TMEM45A: variants seen among roughly 807,000 people sequenced by gnomAD.
The protein encoded by TMEM45A is transmembrane protein 45A.
A neutral mutation model predicts 32.0 loss-of-function variants in TMEM45A; 25 were observed. That is an observed-to-expected ratio of 0.78 (90% CI 0.57 to 1.09). The LOEUF (loss-of-function observed/expected upper bound fraction) is 1.09, where lower values mean the gene tolerates loss of function less well. Ranked by LOEUF, TMEM45A falls within the 50% of genes least tolerant of loss-of-function variation. The pLI is 0.00. For missense variants in TMEM45A, 302 were observed against 325.0 expected (o/e 0.93, Z 0.54); for synonymous variants, 122 against 114.8 (o/e 1.06, Z -0.40).
At chr3:100,499,950 GTGGCTGA>G (rs1035609431) in intron 1 of TMEM45A, among the ~76,000 whole-genome samples, 1 of 152,162 alleles carries the variant, frequency 6.6e-6, no homozygotes, top group Non-Finnish European at 1.5e-5. Flanking sequence ...AATGGCATTG[GTGGCTGA>G]TAGCTATTTT....
chr3:100,564,128 T>C (rs1439907598), intron 4 of TMEM45A, among the ~76,000 whole-genome samples: 1 of 152,236 alleles, frequency 6.6e-6, no homozygotes, highest in Non-Finnish European at 1.5e-5. Context: ...TTCTGTGTCC[T>C]AGGATATAAA....
At chr3:100,568,432 T>A (rs1315717131) in intron 4 of TMEM45A, among the ~76,000 whole-genome samples, 1 of 152,210 alleles carries the variant, frequency 6.6e-6, no homozygotes, top group Admixed American at 6.5e-5. Context: ...GGGGAAAGAT[T>A]TCAGTCTTTT....
chr3:100,498,280 T>C (rs1421830097), intron 1 of TMEM45A, among the ~76,000 whole-genome samples: 1 of 152,234 alleles, frequency 6.6e-6, no homozygotes, highest in African/African-American at 2.4e-5. Context: ...TGGGTATTTC[T>C]TCATAGCAGT....
At chr3:100,510,199 T>C (rs369657957) in intron 1 of TMEM45A, among the ~76,000 whole-genome samples, 5 of 151,502 alleles carry the variant, frequency 3.3e-5, no homozygotes, top group African/African-American at 4.8e-5. Flanking sequence ...GCAGTAACCT[T>C]TGCAGACTTA....
At chr3:100,533,807 G>A (rs565833818) in intron 1 of TMEM45A, among the ~76,000 whole-genome samples, 1 of 152,244 alleles carries the variant, frequency 6.6e-6, no homozygotes, top group East Asian at 1.9e-4. Flanking sequence ...TCCTTTATGA[G>A]GTAGTTTTAT....
chr3:100,525,297 T>TA, intron 1 of TMEM45A, among the ~76,000 whole-genome samples: 1 of 152,166 alleles, frequency 6.6e-6, no homozygotes, highest in East Asian at 1.9e-4. Context: ...TTTGGTTAAA[T>TA]AAAATATATT....
intron 1 of TMEM45A, among the ~76,000 whole-genome samples, chr3:100,539,498 TATACGTATAC>T (rs1705820023): frequency 8.8e-6 from 1 of 113,088 alleles, no homozygotes; most frequent in African/African-American, 2.8e-5. Flanking sequence ...TATGTATACG[TATACGTATAC>T]GTATACGTAT....
chr3:100,494,695 G>A (rs140124234), intron 1 of TMEM45A, among the ~76,000 whole-genome samples: 38 of 152,280 alleles, frequency 2.5e-4, no homozygotes, highest in African/African-American at 8.2e-4. Flanking sequence ...AGTGGATGGA[G>A]CAGCTGAAGT....
At chr3:100,532,510 G>A (rs550843656) in intron 1 of TMEM45A, among the ~76,000 whole-genome samples, 23 of 152,280 alleles carry the variant, frequency 1.5e-4, no homozygotes, top group Admixed American at 1.2e-3. Context: ...GCCATTCGTT[G>A]AGTAACCTGA....
At chr3:100,568,721 G>A in intron 4 of TMEM45A, 101 bp from the exon 5 acceptor site, 1 of 1,097,356 alleles carries the variant, frequency 9.1e-7, no homozygotes. Flanking sequence ...GATAATTGGA[G>A]TTAACTTAGT....
chr3:100,549,008 G>A (rs1289017365), intron 1 of TMEM45A, among the ~76,000 whole-genome samples: 1 of 152,160 alleles, frequency 6.6e-6, no homozygotes, highest in African/African-American at 2.4e-5. Flanking sequence ...AGCACTTTGG[G>A]AGGCCAAGGT....
At chr3:100,544,304 C>T (rs1705943228) in intron 1 of TMEM45A, among the ~76,000 whole-genome samples, 1 of 152,110 alleles carries the variant, frequency 6.6e-6, no homozygotes, top group South Asian at 2.1e-4. Context: ...TAACCATGTT[C>T]CAGCCTTCCA....
chr3:100,544,792 A>G (rs1405955828), intron 1 of TMEM45A, among the ~76,000 whole-genome samples: 2 of 152,206 alleles, frequency 1.3e-5, no homozygotes, highest in African/African-American at 4.8e-5. Flanking sequence ...TAAAGCTACT[A>G]TGAGGATCCA....
At position 100,555,215 on chromosome 3, in the gene TMEM45A, G is replaced by T; in HGVS notation, c.4G>T (p.Gly2Trp). 2 of 1,589,392 alleles carry T rather than the reference G, an allele frequency of 1.3e-6. No homozygotes were observed. The highest frequency in any genetic ancestry group is 1.7e-6 in the Non-Finnish European group (2 of 1,168,226). M[G>W]NFRGHALPGT... ...TGTGTTCTTATATTTGTAGATCATG[G>T]GGAATTTCAGAGGTCATGCCCTCCC... Residue 2 changes from glycine to tryptophan, a missense_variant, in exon 2 of 6, where the codon GGG (glycine) becomes TGG (tryptophan). Physicochemically the swap from Gly to Trp is radical, Grantham distance 184. Coordinates refer to ENST00000323523, the MANE Select transcript of TMEM45A (RefSeq NM_018004.3).
intron 4 of TMEM45A, among the ~76,000 whole-genome samples, chr3:100,564,245 G>T (rs577689585): frequency 6.6e-6 from 1 of 152,210 alleles, no homozygotes; most frequent in Admixed American, 6.5e-5. Context: ...AATGCATTGG[G>T]CCAGGACAAA....
intron 1 of TMEM45A, among the ~76,000 whole-genome samples, chr3:100,539,432 GATATGTATATGTATATGT>G (rs61585906): frequency 5.2e-4 from 43 of 83,118 alleles, no homozygotes; most frequent in South Asian, 3.8e-3. Flanking sequence ...AACCCAATAG[GATATGTATATGTATATGT>G]ATATGTATAT....
chr3:100,541,128 T>C (rs1461805130), intron 1 of TMEM45A, among the ~76,000 whole-genome samples: 1 of 152,220 alleles, frequency 6.6e-6, no homozygotes, highest in Non-Finnish European at 1.5e-5. Context: ...TGTCTTCTTT[T>C]GAGAAGTGTC....
At chr3:100,559,807 A>C (rs1289291497) in intron 4 of TMEM45A, among the ~76,000 whole-genome samples, 1 of 152,090 alleles carries the variant, frequency 6.6e-6, no homozygotes, top group African/African-American at 2.4e-5. Flanking sequence ...AGATAAAATA[A>C]AATAAAATAA....
intron 4 of TMEM45A, among the ~76,000 whole-genome samples, chr3:100,564,764 G>A (rs765348955): frequency 3.9e-5 from 6 of 152,198 alleles, no homozygotes; most frequent in East Asian, 3.8e-4. Context: ...GATTACAGGC[G>A]TGAGCCACCA....
Sources: allele counts gnomAD v4.1 joint callset (sites outside exome capture counted in the v4.1 genomes callset), GRCh38; gene constraint gnomAD v4.1.1; transcripts MANE v1.5; gene names NCBI Gene and HGNC (gene_info 2026-07-23, HGNC 2026-07-21).